CLYBL: variants seen among roughly 807,000 people sequenced by gnomAD.
CLYBL encodes the protein citramalyl-CoA lyase.
CLYBL carries 31 observed loss-of-function variants against 38.9 expected under a neutral mutation model. The ratio of observed to expected loss-of-function variants is 0.80; its 90% CI spans 0.60 to 1.08. The LOEUF (loss-of-function observed/expected upper bound fraction) is 1.08. Ranked by LOEUF, CLYBL falls within the 50% of genes least tolerant of loss-of-function variation. The pLI, the probability that CLYBL is intolerant of heterozygous loss-of-function variation, is 0.00. For synonymous variants in CLYBL, 171 were observed against 158.6 expected (o/e 1.08, Z -0.59); for missense variants, 434 against 411.6 (o/e 1.05, Z -0.47).
intron 9 of CLYBL, among the ~76,000 whole-genome samples, chr13:99,907,000 A>G (rs188881575): frequency 6.6e-6 from 1 of 152,250 alleles, no homozygotes. Context: ...CCTCATTGGC[A>G]AATACTACTT....
chr13:99,903,958 G>A (rs763902542), intron 8 of CLYBL, among the ~76,000 whole-genome samples: 1 of 151,876 alleles, frequency 6.6e-6, no homozygotes, highest in Non-Finnish European at 1.5e-5. Context: ...TGCGGGAGGA[G>A]CACTTGAGCC....
At chr13:99,668,653 A>G (rs1273981159) in intron 1 of CLYBL, among the ~76,000 whole-genome samples, 1 of 152,152 alleles carries the variant, frequency 6.6e-6, no homozygotes, top group Admixed American at 6.5e-5. Flanking sequence ...GGTAGATAGA[A>G]GAAAAATGAG....
intron 7 of CLYBL, among the ~76,000 whole-genome samples, chr13:99,871,990 CA>C (rs113487766): frequency 3.6e-3 from 425 of 119,298 alleles, no homozygotes; most frequent in East Asian, 8.4e-3. Context: ...TTCCCCCCTG[CA>C]AAAAAAAAAA....
intron 1 of CLYBL, among the ~76,000 whole-genome samples, chr13:99,730,136 A>G (rs2048562128): frequency 6.6e-6 from 1 of 152,156 alleles, no homozygotes; most frequent in Admixed American, 6.5e-5. Flanking sequence ...GGAGCTGCTG[A>G]TCTTTCCAAG....
chr13:99,717,204 T>A (rs1342502901), intron 1 of CLYBL, among the ~76,000 whole-genome samples: 2 of 151,406 alleles, frequency 1.3e-5, no homozygotes, highest in African/African-American at 4.8e-5. Flanking sequence ...AGCAGGTGGA[T>A]CACCTGAGGT....
At chr13:99,620,060 G>T (rs1341553234) in intron 1 of CLYBL, among the ~76,000 whole-genome samples, 1 of 152,176 alleles carries the variant, frequency 6.6e-6, no homozygotes, top group Non-Finnish European at 1.5e-5. Flanking sequence ...CCCTCATGGT[G>T]TCTCTGCCTG....
chr13:99,819,465 T>TATATAA lies in CLYBL; in HGVS notation c.250-39393_250-39392insTAAATA, dbSNP rs1366110606. 7.8e-3 allele frequency among the ~76,000 whole-genome samples: 457 copies of TATATAA among 58,654 alleles called. 36 individuals are homozygous for TATATAA. Among genetic ancestry groups the TATATAA allele is most frequent in the South Asian group, 0.023 (40 of 1,706 alleles). 38.5% of individuals were successfully genotyped at this position (58,654 alleles called of 152,430 possible). On this transcript the variant is annotated intron_variant, in intron 2 of 8. Transcript: ENST00000339105. ...ATATATATATATATATATATATATA[T>TATATAA]ATAATATTTGTCAGGGTTGTCTGGG...
chr13:99,697,034 C>T (rs2047990498), intron 1 of CLYBL, among the ~76,000 whole-genome samples: 2 of 152,112 alleles, frequency 1.3e-5, no homozygotes. Flanking sequence ...AGCCATTGTC[C>T]TGTAATGCCC....
chr13:99,693,109 G>T (rs530752231), intron 1 of CLYBL, among the ~76,000 whole-genome samples: 37 of 152,146 alleles, frequency 2.4e-4, no homozygotes, highest in Non-Finnish European at 5.3e-4. Flanking sequence ...GGGTCTTATG[G>T]TAACTATGTT....
At chr13:99,792,426 G>A (rs976269481) in intron 2 of CLYBL, among the ~76,000 whole-genome samples, 16 of 152,144 alleles carry the variant, frequency 1.1e-4, no homozygotes, top group South Asian at 4.1e-4. Flanking sequence ...CAGAGCAGCC[G>A]CTCTCTTCTC....
At chr13:99,904,045 T>TAAAAAAAAAAAAAAAAAAAAAAAAAAA (rs57462379) in intron 8 of CLYBL, among the ~76,000 whole-genome samples, 2 of 143,714 alleles carry the variant, frequency 1.4e-5, no homozygotes, top group African/African-American at 5.2e-5. Flanking sequence ...ACCCCTCTCT[T>TAAAAAAAAAAAAAAAAAAAAAAAAAAA]AAAAAAAAAA....
At chr13:99,798,519 C>A (rs2057783722) in intron 2 of CLYBL, among the ~76,000 whole-genome samples, 1 of 152,162 alleles carries the variant, frequency 6.6e-6, no homozygotes. Context: ...TTGGCTCCCT[C>A]TGTAATTATT....
chr13:99,711,403 C>CTTT (rs71215540), intron 1 of CLYBL, among the ~76,000 whole-genome samples: 258 of 83,160 alleles, frequency 3.1e-3, no homozygotes, highest in Non-Finnish European at 4.2e-3. Flanking sequence ...GGGAGTCCGT[C>CTTT]TTTTTTTTTT....
chr13:99,881,160 TCCATGA>T (rs2052197581), intron 7 of CLYBL, among the ~76,000 whole-genome samples: 1 of 152,238 alleles, frequency 6.6e-6, no homozygotes, highest in African/African-American at 2.4e-5. Flanking sequence ...CCGTCTGAAT[TCCATGA>T]TAGGTAACCA....
chr13:99,669,485 T>TC (rs1259827676), intron 1 of CLYBL, among the ~76,000 whole-genome samples: 2 of 152,144 alleles, frequency 1.3e-5, no homozygotes, highest in African/African-American at 4.8e-5. Context: ...GGGGAGGGTG[T>TC]CATAAGCCTT....
At chr13:99,873,770 C>T (rs1292104746) in intron 7 of CLYBL, among the ~76,000 whole-genome samples, 1 of 152,148 alleles carries the variant, frequency 6.6e-6, no homozygotes, top group Admixed American at 6.5e-5. Flanking sequence ...AACATAAAAG[C>T]TCTACCCTTT....
At chr13:99,829,179 T>A (rs984636890) in intron 2 of CLYBL, among the ~76,000 whole-genome samples, 1 of 152,242 alleles carries the variant, frequency 6.6e-6, no homozygotes, top group African/African-American at 2.4e-5. Flanking sequence ...TTGAAATTTT[T>A]CACCCAAGGC....
intron 1 of CLYBL, among the ~76,000 whole-genome samples, chr13:99,662,248 C>T (rs574988743): frequency 9.2e-5 from 14 of 152,226 alleles, no homozygotes; most frequent in African/African-American, 1.7e-4. Context: ...TTAATTGTGC[C>T]GTGTGATTTT....
chr13:99,896,147 C>T (rs560921954), downstream of CLYBL: 3 of 151,500 alleles, frequency 2.0e-5, no homozygotes, highest in East Asian at 5.9e-4. Context: ...GAGGCCTGGA[C>T]TGTGGGCCCT....
Sources: allele counts gnomAD v4.1 joint callset (sites outside exome capture counted in the v4.1 genomes callset), GRCh38; gene constraint gnomAD v4.1.1; transcripts MANE v1.5; gene names NCBI Gene and HGNC (gene_info 2026-07-23, HGNC 2026-07-21).